The following AQP9 variants were observed in gnomAD, a reference collection of about 807,000 sequenced individuals.
The protein encoded by AQP9 is aquaporin 9.
AQP9 carries 19 observed loss-of-function variants against 23.8 expected under a neutral mutation model. The ratio of observed to expected loss-of-function variants is 0.80; its 90% CI spans 0.56 to 1.17. The LOEUF (loss-of-function observed/expected upper bound fraction) is 1.17. AQP9 is among the 50% of genes most tolerant of loss of function. The probability of loss-of-function intolerance (pLI) is 0.00; values close to 1 mark genes in which losing one functional copy is unlikely to be tolerated. For missense variants in AQP9, 413 were observed against 362.0 expected (o/e 1.14, Z -1.14); for synonymous variants, 153 against 131.5 (o/e 1.16, Z -1.12).
chr15:58,150,815 AACTTAGAAATTGCTCTACT>A (rs1285090986), intron 1 of AQP9: 13 of 152,176 alleles, frequency 8.5e-5, no homozygotes, highest in African/African-American at 3.1e-4. Context: ...TCTCCTGTTC[AACTTAGAAATTGCTCTACT>A]ACTGCCCCTG....
Position 58,185,715 on chromosome 15 carries a change from C to G in AQP9, c.*1580C>G, listed in dbSNP as rs184784024. 4 of 152,338 alleles carry G rather than the reference C, an allele frequency of 2.6e-5. No homozygotes were observed. Among genetic ancestry groups the G allele is most frequent in the Non-Finnish European group, 1.5e-5 (1 of 68,032 alleles). 9.4% of individuals were successfully genotyped at this position (152,338 alleles called of 1,614,324 possible). A position where few individuals can be genotyped will look rare whatever the true frequency, so the allele number is the denominator to read the frequency against. On this transcript the variant is annotated 3_prime_UTR_variant, in exon 6 of 6. Transcript: ENST00000219919. ...ATCAAGGGATGCACCTTCAGTCAAA[C>G]TGTCAAAAAGCCCAGAATTCCCAAA... is the stretch of plus-strand genomic sequence containing the variant.
chr15:58,183,342 C>T (rs555441358), intron 5 of AQP9, among the ~76,000 whole-genome samples: 92 of 152,274 alleles, frequency 6.0e-4, no homozygotes, highest in African/African-American at 2.1e-3. Context: ...AGAACTATAG[C>T]TTTGCTGTAA....
chr15:58,147,500 A>C (rs911929098), intron 1 of AQP9, among the ~76,000 whole-genome samples: 1 of 152,196 alleles, frequency 6.6e-6, no homozygotes, highest in African/African-American at 2.4e-5. Context: ...TAAGCAAAGC[A>C]AGTGATTTAA....
At chr15:58,169,768 A>G (rs1024275287) in intron 2 of AQP9, among the ~76,000 whole-genome samples, 1 of 152,256 alleles carries the variant, frequency 6.6e-6, no homozygotes, top group Non-Finnish European at 1.5e-5. Flanking sequence ...GTCAGAGGTC[A>G]TAATACCCTA....
intron 1 of AQP9, among the ~76,000 whole-genome samples, chr15:58,139,795 G>A (rs1313822861): frequency 2.0e-5 from 3 of 152,148 alleles, no homozygotes; most frequent in Non-Finnish European, 4.4e-5. Context: ...GACCAGATTC[G>A]TTACAGTATT....
At chr15:58,167,521 C>T (rs565315037) in intron 2 of AQP9, among the ~76,000 whole-genome samples, 1 of 152,210 alleles carries the variant, frequency 6.6e-6, no homozygotes, top group South Asian at 2.1e-4. Context: ...GCCAGACTGC[C>T]TTTATCTCCC....
rs1292728953 is a variant in AQP9 at position 58,173,020 on chromosome 15, ATTC to A, written c.239-41_239-39del. On this transcript the variant is annotated intron_variant, in intron 2 of 5. Transcript: ENST00000219919. ...GAGGTCTCTAGATGGTTTTCTGTATATTCTTCTTCCTAACCTGCCCTCTCACTT... is the reference window on the plus strand; with the variant it reads ...GAGGTCTCTAGATGGTTTTCTGTATATTCTTCCTAACCTGCCCTCTCACTT... The A allele has an allele frequency of 3.1e-6, 5 of 1,610,674 alleles. No homozygotes were observed. The South Asian group carries it at 5.5e-5, about 18-fold the overall frequency.
At chr15:58,174,299 GA>G (rs67680373) in intron 3 of AQP9, among the ~76,000 whole-genome samples, 61,684 of 142,920 alleles carry the variant, frequency 0.43, 13,191 homozygotes, top group African/African-American at 0.48. Context: ...AGAAAAAAAA[GA>G]AAAAAAAAAA....
intron 1 of AQP9, among the ~76,000 whole-genome samples, chr15:58,144,269 A>G (rs551585965): frequency 6.6e-6 from 1 of 152,280 alleles, no homozygotes; most frequent in South Asian, 2.1e-4. Context: ...TGCTTTTCAT[A>G]TTTGTGTCTT....
At chr15:58,142,252 G>A (rs8024969) in intron 1 of AQP9, among the ~76,000 whole-genome samples, 2,051 of 152,304 alleles carry the variant, frequency 0.013, 35 homozygotes, top group African/African-American at 0.046. Flanking sequence ...ACTGCATTTT[G>A]CCAGATGGAG....
chr15:58,166,828 C>T, intron 2 of AQP9, 29 bp downstream of exon 2: 1 of 1,609,878 alleles, frequency 6.2e-7, no homozygotes, highest in Non-Finnish European at 8.5e-7. Flanking sequence ...GAATGCTGCT[C>T]TTAATTCAGC....
At position 58,185,070 on chromosome 15, in the gene AQP9, G is replaced by A. The variant is rs1480963635; in HGVS notation, c.*935G>A. 1.3e-5 allele frequency: 2 copies of A among 152,336 alleles called. No individual in the cohort carries two copies. The highest frequency in any genetic ancestry group is 4.1e-4 in the South Asian group (2 of 4,826). The allele number at this position is 152,336 out of a possible 1,614,324, so 9.4% of individuals were successfully genotyped here. ...ATCCTGGTCTAGCTGAATCTTCAGA[G>A]TGGGAGGTCTCCAAAAAGATATTAC... On this transcript the variant is annotated 3_prime_UTR_variant, in exon 6 of 6. Transcript: ENST00000219919.
At chr15:58,177,042 G>A (rs551613203) in intron 4 of AQP9, among the ~76,000 whole-genome samples, 7 of 152,236 alleles carry the variant, frequency 4.6e-5, no homozygotes, top group South Asian at 4.2e-4. Flanking sequence ...GGCTGTAACC[G>A]TCAGCAAACC....
intron 2 of AQP9, among the ~76,000 whole-genome samples, chr15:58,171,188 AG>A (rs1237870694): frequency 2.0e-5 from 3 of 151,874 alleles, no homozygotes; most frequent in Non-Finnish European, 4.4e-5. Context: ...CCTGGGTTCA[AG>A]CAATTAGCCT....
At chr15:58,142,301 G>C (rs1044092528) in intron 1 of AQP9, among the ~76,000 whole-genome samples, 6 of 152,194 alleles carry the variant, frequency 3.9e-5, no homozygotes, top group East Asian at 1.9e-4. Context: ...ATCAGCCCTT[G>C]AATGAAAGAG....
chr15:58,174,932 T>C lies in AQP9; in HGVS notation c.391T>C (p.Phe131Leu), dbSNP rs758655755. ...FGIYYDGLMSFAGGKLLIVGE... is the reference protein window; with the variant it reads ...FGIYYDGLMSLAGGKLLIVGE... ...CTCTTTCATAGATGGACTTATGTCC[T>C]TTGCTGGTGGAAAACTGCTGATCGT... Residue 131 changes from phenylalanine to leucine, a missense_variant, in exon 4 of 6, where the codon TTT (phenylalanine) becomes CTT (leucine). Transcript: ENST00000219919. 1 of 1,614,152 alleles carries C rather than the reference T, an allele frequency of 6.2e-7. No homozygotes were observed. Among genetic ancestry groups the C allele is most frequent in the Admixed American group, 1.7e-5 (1 of 60,026 alleles).
intron 1 of AQP9, among the ~76,000 whole-genome samples, chr15:58,145,536 G>A (rs1018343897): frequency 1.3e-5 from 2 of 149,506 alleles, no homozygotes; most frequent in South Asian, 2.1e-4. Context: ...TTAACTTAAA[G>A]TAAATCAATT....
intron 1 of AQP9, among the ~76,000 whole-genome samples, chr15:58,141,319 A>G (rs1208798157): frequency 6.6e-6 from 1 of 152,220 alleles, no homozygotes; most frequent in Admixed American, 6.5e-5. Context: ...CCCAGCAAGC[A>G]GCTGTATTTC....
Position 58,146,529 on chromosome 15 carries a change from A to G in AQP9, c.111+7853A>G, listed in dbSNP as rs567524626. On this transcript the variant is annotated intron_variant, in intron 1 of 5. Coordinates refer to ENST00000219919, the MANE Select transcript of AQP9 (RefSeq NM_020980.5). ...ACTCACCAAAGCCTAATATATTTAT[A>G]ATATTTTAAACCTGTTCTGTCGTCT... 7.9e-5 allele frequency among the ~76,000 whole-genome samples: 12 copies of G among 152,248 alleles called. 1 individual carries two copies. The South Asian group carries it at 2.5e-3, about 32-fold the overall frequency.
Sources: gnomAD v4.1 joint callset for allele counts (sites outside exome capture counted in the v4.1 genomes callset) on GRCh38, gnomAD v4.1.1 for gene constraint, MANE v1.5 for transcripts, NCBI Gene and HGNC (gene_info 2026-07-23, HGNC 2026-07-21) for gene names.